Variants in EYS observed in about 807,000 individuals in gnomAD.
The protein encoded by EYS is protein eyes shut homolog.
A neutral mutation model predicts 282.1 loss-of-function variants in EYS; 250 were observed. The observed-to-expected ratio is 0.89, with a 90% CI of 0.80 to 0.98. The LOEUF (loss-of-function observed/expected upper bound fraction) is 0.98, where lower values mean the gene tolerates loss of function less well. EYS is among the 50% of genes least tolerant of loss of function. The pLI is 0.00. For missense variants in EYS, 4,016 were observed against 3,709.0 expected (o/e 1.08, Z -2.15); for synonymous variants, 1,355 against 1,282.9 (o/e 1.06, Z -1.20).
At chr6:64,640,730 T>TA (rs1768114331) in intron 22 of EYS, among the ~76,000 whole-genome samples, 1 of 152,054 alleles carries the variant, frequency 6.6e-6, no homozygotes, top group Non-Finnish European at 1.5e-5. Context: ...AATAAAAAAA[T>TA]AAAAAGATTA....
At chr6:65,526,742 C>G (rs1160713002) in intron 2 of EYS, among the ~76,000 whole-genome samples, 1 of 152,100 alleles carries the variant, frequency 6.6e-6, no homozygotes, top group African/African-American at 2.4e-5. Flanking sequence ...GAAGGCGAAG[C>G]TTGCAGTGAG....
At chr6:64,370,309 G>C (rs1471125818) in intron 29 of EYS, among the ~76,000 whole-genome samples, 1 of 151,986 alleles carries the variant, frequency 6.6e-6, no homozygotes, top group Non-Finnish European at 1.5e-5. Context: ...TTCTGTTTAT[G>C]TGGTGAATCA....
chr6:64,219,005 GAT>G (rs1453042679), intron 31 of EYS, among the ~76,000 whole-genome samples: 1 of 152,138 alleles, frequency 6.6e-6, no homozygotes, highest in East Asian at 1.9e-4. Flanking sequence ...GAGTTTGCAG[GAT>G]ATTAGCTGAG....
At position 64,575,110 on chromosome 6, in the gene EYS, A is replaced by C. The variant is rs1196069088; in HGVS notation, c.5644+15113T>G. 2.0e-5 allele frequency among the ~76,000 whole-genome samples: 3 copies of C among 152,182 alleles called. No individual in the cohort carries two copies. The East Asian group carries it at 5.8e-4, about 29-fold the overall frequency. On this transcript the variant is annotated intron_variant, in intron 26 of 42. Coordinates refer to ENST00000503581, the MANE Select transcript of EYS (RefSeq NM_001142800.2). ...CAGAATAAGAGTGTGATTGAAAATC[A>C]AACAGAAAAGTATAGCACCTAGTCA... is the stretch of plus-strand genomic sequence containing the variant.
intron 8 of EYS, among the ~76,000 whole-genome samples, chr6:65,379,861 T>C (rs1296054690): frequency 6.6e-6 from 1 of 151,748 alleles, no homozygotes; most frequent in African/African-American, 2.4e-5. Context: ...TGAACTCCCA[T>C]TGAGAATTGC....
chr6:65,110,787 C>T (rs981392665), intron 12 of EYS, among the ~76,000 whole-genome samples: 9 of 151,964 alleles, frequency 5.9e-5, no homozygotes, highest in Non-Finnish European at 1.5e-5. Flanking sequence ...ACTGATAAAA[C>T]TTGTCCTCCA....
rs541808484 is a variant in EYS at position 65,663,965 on chromosome 6, G to A, written c.-447-24073C>T. Among the ~76,000 whole-genome samples the A allele has an allele frequency of 1.1e-3, 154 of 145,056 alleles. 1 individual carries two copies. The highest frequency in any genetic ancestry group is 3.7e-3 in the African/African-American group (145 of 38,856). On this transcript the variant is annotated intron_variant, in intron 1 of 42. Transcript: ENST00000503581. ...CGGATCACTGCAAGCTCCGCCTCACGGGTTCAGGCCATTCTCCTGCCTCAG... is the reference window on the plus strand; with the variant it reads ...CGGATCACTGCAAGCTCCGCCTCACAGGTTCAGGCCATTCTCCTGCCTCAG...
At chr6:65,210,738 A>G (rs932957121) in intron 12 of EYS, among the ~76,000 whole-genome samples, 7 of 152,050 alleles carry the variant, frequency 4.6e-5, no homozygotes, top group Admixed American at 4.6e-4. Context: ...GCAAAAATAG[A>G]AAATCACTTG....
chr6:65,255,809 C>G (rs1193380346), intron 12 of EYS, among the ~76,000 whole-genome samples: 1 of 152,006 alleles, frequency 6.6e-6, no homozygotes, highest in Non-Finnish European at 1.5e-5. Flanking sequence ...TATTATCTCA[C>G]CTCAGTTAAA....
chr6:65,161,448 G>T (rs1764848612), intron 12 of EYS, among the ~76,000 whole-genome samples: 1 of 150,680 alleles, frequency 6.6e-6, no homozygotes, highest in Non-Finnish European at 1.5e-5. Context: ...ATGCATTTTT[G>T]CCTTGCCCAT....
At chr6:65,395,094 G>A (rs192478900) in intron 7 of EYS, among the ~76,000 whole-genome samples, 17 of 152,258 alleles carry the variant, frequency 1.1e-4, no homozygotes, top group South Asian at 4.1e-4. Flanking sequence ...ACAGAGTTTC[G>A]CTCTTGTGGC....
chr6:64,366,940 A>T (rs1772202654), intron 29 of EYS, among the ~76,000 whole-genome samples: 1 of 152,106 alleles, frequency 6.6e-6, no homozygotes, highest in African/African-American at 2.4e-5. Flanking sequence ...AGCGTTTAAG[A>T]AGAATTTAGT....
At chr6:65,234,742 A>T (rs979713415) in intron 12 of EYS, among the ~76,000 whole-genome samples, 6 of 152,168 alleles carry the variant, frequency 3.9e-5, no homozygotes, top group African/African-American at 1.4e-4. Context: ...AGCAGGCATA[A>T]ATATGTACAA....
intron 28 of EYS, among the ~76,000 whole-genome samples, chr6:64,396,740 G>C (rs1469415971): frequency 1.3e-5 from 2 of 151,988 alleles, no homozygotes; most frequent in Non-Finnish European, 2.9e-5. Context: ...ATGTAGGTCT[G>C]TTTCTAGACT....
intron 2 of EYS, among the ~76,000 whole-genome samples, chr6:65,562,829 A>T (rs1769119573): frequency 6.6e-6 from 1 of 152,130 alleles, no homozygotes; most frequent in Non-Finnish European, 1.5e-5. Flanking sequence ...CCTCTGCATG[A>T]AGTACAGTTT....
intron 5 of EYS, among the ~76,000 whole-genome samples, chr6:65,433,352 A>C (rs1378091393): frequency 1.3e-5 from 2 of 152,132 alleles, no homozygotes; most frequent in Non-Finnish European, 2.9e-5. Flanking sequence ...GCATTGGAAC[A>C]TGACCTGATG....
intron 24 of EYS, among the ~76,000 whole-genome samples, chr6:64,602,997 G>C (rs1766809483): frequency 6.6e-6 from 1 of 151,916 alleles, no homozygotes; most frequent in Non-Finnish European, 1.5e-5. Context: ...TAGAAGAATA[G>C]GTCCTATTGC....
intron 12 of EYS, among the ~76,000 whole-genome samples, chr6:65,272,907 C>T (rs1421939938): frequency 6.6e-6 from 1 of 152,102 alleles, no homozygotes; most frequent in Admixed American, 6.6e-5. Flanking sequence ...TAGGGCCTAC[C>T]ATAAGCATGT....
At chr6:64,875,581 C>T (rs924571122) in intron 19 of EYS, among the ~76,000 whole-genome samples, 8 of 151,924 alleles carry the variant, frequency 5.3e-5, no homozygotes, top group Non-Finnish European at 1.0e-4. Context: ...TACATAGGAG[C>T]CATCCATGTA....
Sources: allele counts gnomAD v4.1 joint callset (sites outside exome capture counted in the v4.1 genomes callset), GRCh38; gene constraint gnomAD v4.1.1; transcripts MANE v1.5; gene names NCBI Gene and HGNC (gene_info 2026-07-23, HGNC 2026-07-21).